The following LPIN1 variants were observed in gnomAD, a reference collection of about 807,000 sequenced individuals.
The protein encoded by LPIN1 is phosphatidate phosphatase LPIN1.
Under a neutral mutation model 107.5 loss-of-function variants are expected in LPIN1, and 71 were observed. That is an observed-to-expected ratio of 0.66 (90% CI 0.55 to 0.80). The LOEUF is 0.80. Among genes scored for constraint, LPIN1 ranks in the 30% least tolerant of loss-of-function variants. LPIN1 has a pLI of 0.00. For synonymous variants in LPIN1, 445 were observed against 452.6 expected (o/e 0.98, Z 0.21); for missense variants, 1,043 against 1,160.6 (o/e 0.90, Z 1.47).
upstream of LPIN1, among the ~76,000 whole-genome samples, chr2:11,743,152 C>G (rs369881411): frequency 2.0e-5 from 3 of 152,226 alleles, no homozygotes; most frequent in Non-Finnish European, 2.9e-5. The surrounding 1 kb of genome is among the most constrained non-coding windows in gnomAD (Gnocchi z 4.7). Flanking sequence ...GGTCTGCTCC[C>G]CTTTGTAGCC....
At chr2:11,751,966 C>G (rs1475549126) in intron 1 of LPIN1, among the ~76,000 whole-genome samples, 1 of 152,232 alleles carries the variant, frequency 6.6e-6, no homozygotes, top group East Asian at 1.9e-4. Context: ...GGAGCTACCT[C>G]TCTACCATTT....
chr2:11,778,518 T>C (rs997694773), intron 6 of LPIN1, among the ~76,000 whole-genome samples: 9 of 152,200 alleles, frequency 5.9e-5, no homozygotes, highest in African/African-American at 1.9e-4. Flanking sequence ...TTATATTCAA[T>C]TGGAGTTGAA....
intron 4 of LPIN1, 59 bp from the exon 5 acceptor site, chr2:11,773,561 T>A: frequency 6.6e-7 from 1 of 1,513,820 alleles, no homozygotes; most frequent in Admixed American, 1.7e-5. Flanking sequence ...AAATTGGAAC[T>A]TGATTATGAA....
At chr2:11,710,648 T>C (rs905240760) in intron 1 of LPIN1, among the ~76,000 whole-genome samples, 2 of 152,232 alleles carry the variant, frequency 1.3e-5, no homozygotes, top group African/African-American at 2.4e-5. Flanking sequence ...ACATCAGTTC[T>C]ATGAGGTAAG....
chr2:11,727,113 T>A (rs1022118689), intron 1 of LPIN1, among the ~76,000 whole-genome samples: 2 of 152,202 alleles, frequency 1.3e-5, no homozygotes, highest in Non-Finnish European at 2.9e-5. Flanking sequence ...TATGTTAATA[T>A]CCCCTCTTTT....
intron 1 of LPIN1, among the ~76,000 whole-genome samples, chr2:11,758,306 A>T (rs1033706672): frequency 6.6e-6 from 1 of 151,976 alleles, no homozygotes; most frequent in African/African-American, 2.4e-5. Context: ...GCTGGATCAT[A>T]AGCTAATTTT....
At chr2:11,773,561 T>C (rs1485863994) in intron 4 of LPIN1, 59 bp from the exon 5 acceptor site, 26 of 1,513,702 alleles carry the variant, frequency 1.7e-5, no homozygotes, top group Non-Finnish European at 2.3e-5. Flanking sequence ...AAATTGGAAC[T>C]TGATTATGAA....
rs903050245 is a variant in LPIN1, at chr2:11,693,236, T to C, written c.81+15508T>C. ...TTTTTTTTTTGAGATGATGGAATCC[T>C]AGGTCCAGCTGAAATTTCTGGCATT... On this transcript the variant is annotated intron_variant, in intron 1 of 21. Transcript: ENST00000449576. Among the ~76,000 whole-genome samples, 3 of 148,210 alleles carry C rather than the reference T, an allele frequency of 2.0e-5. No individual in the cohort carries two copies. The East Asian group carries it at 5.9e-4, about 29-fold the overall frequency.
chr2:11,813,165 G>A (rs1455657576), intron 17 of LPIN1, among the ~76,000 whole-genome samples: 1 of 152,146 alleles, frequency 6.6e-6, no homozygotes, highest in African/African-American at 2.4e-5. Flanking sequence ...CGGTGAGCAC[G>A]TACTGCGCAG....
At position 11,786,977 on chromosome 2, in the gene LPIN1, C is replaced by T. The variant is rs2148664731; in HGVS notation, c.1550-97C>T. On this transcript the variant is annotated intron_variant, in intron 10 of 20. Transcript: ENST00000674199. This position sits in a 1 kb window ranked among gnomAD's most constrained non-coding sequence, Gnocchi z 4.1. ...TGCACAGTTGGAATGCACAAACTCT[C>T]AGAAAACACTTGTGAGTGAGCAAAT... The T allele has an allele frequency of 1.2e-6, 1 of 836,386 alleles. No homozygotes were observed. The highest frequency in any genetic ancestry group is 2.1e-6 in the Non-Finnish European group (1 of 478,456). The allele number at this position is 836,386 out of a possible 1,614,324, so 51.8% of individuals were successfully genotyped here.
chr2:11,827,327 C>G lies in LPIN1; in HGVS notation c.*2536C>G, dbSNP rs966205432. ...TATGCTGATGCAATGATAAAAATCA[C>G]TGTAATACTTCATTGTGTTGTACTG... On this transcript the variant is annotated 3_prime_UTR_variant, in exon 21 of 21. Coordinates refer to ENST00000674199, the MANE Select transcript of LPIN1 (RefSeq NM_001349206.2). This position sits in a 1 kb window ranked among gnomAD's most constrained non-coding sequence, Gnocchi z 4.1. 1.3e-5 allele frequency: 2 copies of G among 152,194 alleles called. No homozygotes were observed. The highest frequency in any genetic ancestry group is 4.8e-5 in the African/African-American group (2 of 41,464). 9.4% of individuals were successfully genotyped at this position (152,194 alleles called of 1,614,324 possible). A position where few individuals can be genotyped will look rare whatever the true frequency, so the allele number is the denominator to read the frequency against.
At position 11,809,739 on chromosome 2, in the gene LPIN1, C is replaced by T. The variant is rs141551276; in HGVS notation, c.2249+4583C>T. ...CCTAGATCTTTTTTCCTTTCCTGCC[C>T]GCAGCAGTTATTTCTTTCATGTCAG... On this transcript the variant is annotated intron_variant, in intron 17 of 20. Transcript: ENST00000674199. Among the ~76,000 whole-genome samples the T allele has an allele frequency of 2.6e-4, 39 of 152,170 alleles. No individual in the cohort carries two copies. The East Asian group carries it at 6.6e-3, about 26-fold the overall frequency.
intron 5 of LPIN1, among the ~76,000 whole-genome samples, chr2:11,775,052 C>G (rs537634303): frequency 6.6e-6 from 1 of 151,454 alleles, no homozygotes; most frequent in African/African-American, 2.4e-5. Context: ...AACAAGCAAT[C>G]AATTTTAAAG....
Position 11,771,475 on chromosome 2 carries a change from T to G in LPIN1, c.392T>G (p.Leu131Arg). 6.2e-7 allele frequency: 1 copy of G among 1,614,188 alleles called. No individual in the cohort carries two copies. Among genetic ancestry groups the G allele is most frequent in the East Asian group, 2.2e-5 (1 of 44,886 alleles). Residue 131 changes from leucine (L) to arginine (R), a missense_variant, in exon 4 of 21, where the codon CTG (leucine) becomes CGG (arginine). Coordinates refer to ENST00000674199, the MANE Select transcript of LPIN1 (RefSeq NM_001349206.2). This position sits in a 1 kb window ranked among gnomAD's most constrained non-coding sequence, Gnocchi z 4.8. ...GGCTCTGTGGACAGGATGAGAGGCC[T>G]GGACCCCAGCACGCCAGCCCAAGTG... ...KRGSVDRMRG[L>R]DPSTPAQVIA...
At chr2:11,740,683 CGA>C (rs1491467003) in intron 1 of LPIN1, among the ~76,000 whole-genome samples, 6 of 45,952 alleles carry the variant, frequency 1.3e-4, no homozygotes, top group South Asian at 7.2e-4. Context: ...GGCTCTATCT[CGA>C]AAAAAAAAAA....
At chr2:11,727,111 T>C (rs1011752162) in intron 1 of LPIN1, among the ~76,000 whole-genome samples, 10 of 152,206 alleles carry the variant, frequency 6.6e-5, no homozygotes, top group African/African-American at 2.2e-4. Context: ...ACTATGTTAA[T>C]ATCCCCTCTT....
chr2:11,735,058 G>A (rs914927327), intron 1 of LPIN1, among the ~76,000 whole-genome samples: 3 of 152,158 alleles, frequency 2.0e-5, no homozygotes, highest in East Asian at 1.9e-4. Flanking sequence ...TTGGGAGGCC[G>A]AGGCGGGCAG....
intron 14 of LPIN1, 64 bp downstream of exon 14, chr2:11,795,551 C>A: frequency 2.1e-6 from 3 of 1,400,000 alleles, no homozygotes; most frequent in Non-Finnish European, 3.0e-6. Flanking sequence ...ATGGCGTGTG[C>A]TGCCTGGATG....
At chr2:11,782,165 GTC>G (rs370353314) in intron 7 of LPIN1, 34 bp from the exon 8 acceptor site, 26 of 1,543,922 alleles carry the variant, frequency 1.7e-5, no homozygotes, top group South Asian at 7.8e-5. Context: ...TGCTGACCTT[GTC>G]TCTCTCTCTG....
Sources: gnomAD v4.1 joint callset for allele counts (sites outside exome capture counted in the v4.1 genomes callset) on GRCh38, gnomAD v4.1.1 for gene constraint, Gnocchi (gnomAD v3.1) non-coding constraint, MANE v1.5 for transcripts, NCBI Gene and HGNC (gene_info 2026-07-23, HGNC 2026-07-21) for gene names.